Variants in ANKRD6 observed in about 807,000 individuals in gnomAD.
The protein encoded by ANKRD6 is ankyrin repeat domain-containing protein 6.
ANKRD6 carries 56 observed loss-of-function variants against 82.3 expected under a neutral mutation model. That is an observed-to-expected ratio of 0.68 (90% confidence interval 0.55 to 0.85). The LOEUF is 0.85. Ranked by LOEUF, ANKRD6 falls within the 40% of genes least tolerant of loss-of-function variation. The probability of loss-of-function intolerance (pLI) is 0.00; values close to 1 mark genes in which losing one functional copy is unlikely to be tolerated. For synonymous variants in ANKRD6, 347 were observed against 352.1 expected (o/e 0.99, Z 0.16); for missense variants, 852 against 907.6 (o/e 0.94, Z 0.79).
intron 1 of ANKRD6, among the ~76,000 whole-genome samples, chr6:89,485,721 T>A (rs963890696): frequency 1.3e-5 from 2 of 152,180 alleles, no homozygotes; most frequent in African/African-American, 4.8e-5. Context: ...GGAAAAAAGA[T>A]TCCTGGGGTG....
intron 4 of ANKRD6, among the ~76,000 whole-genome samples, 174 bp from the exon 5 acceptor site, chr6:89,605,833 A>T (rs894207729): frequency 6.6e-5 from 10 of 152,196 alleles, no homozygotes; most frequent in African/African-American, 2.4e-4. Flanking sequence ...CATTTCTGGG[A>T]TAATGGAGAA....
At position 89,616,542 on chromosome 6, in the gene ANKRD6, C is replaced by A; in HGVS notation, c.616-17C>A. The A allele has an allele frequency of 6.2e-7, 1 of 1,613,492 alleles. No individual in the cohort carries two copies. The highest frequency in any genetic ancestry group is 8.5e-7 in the Non-Finnish European group (1 of 1,179,436). On this transcript the variant is annotated splice_polypyrimidine_tract_variant and intron_variant, in intron 7 of 15. Coordinates refer to ENST00000339746, the MANE Select transcript of ANKRD6 (RefSeq NM_001242809.2). ...CATGAGCAGATGAGGTTTAGCAGAC[C>A]TTCTAATCAATTCCAGGCTGGAGAC...
At position 89,631,604 on chromosome 6, in the gene ANKRD6, A is replaced by C. The variant is rs529857713; in HGVS notation, c.*600A>C. The C allele has an allele frequency of 1.3e-5, 2 of 152,352 alleles. No individual in the cohort carries two copies. The highest frequency in any genetic ancestry group is 3.9e-4 in the East Asian group (2 of 5,182). The allele number at this position is 152,352 out of a possible 1,614,324, so 9.4% of individuals were successfully genotyped here. On this transcript the variant is annotated 3_prime_UTR_variant, in exon 16 of 16. Transcript: ENST00000339746. ...CAAGATCCAATATATCTTATGATAA[A>C]ATTTATTGAAAAGTCAGTTTATTTA...
intron 1 of ANKRD6, among the ~76,000 whole-genome samples, chr6:89,456,693 C>T (rs927734465): frequency 7.9e-5 from 12 of 152,152 alleles, no homozygotes; most frequent in African/African-American, 2.9e-4. Context: ...ACTTGTCTAT[C>T]AAAATAGCTA....
intron 1 of ANKRD6, among the ~76,000 whole-genome samples, chr6:89,544,521 T>G (rs538351152): frequency 6.6e-6 from 1 of 152,194 alleles, no homozygotes; most frequent in Admixed American, 6.5e-5. Context: ...GAGACCATCC[T>G]GGCTAGCACG....
rs1246919007 is a variant in ANKRD6 at position 89,631,115 on chromosome 6, T to TA, written c.*118dup. The TA allele has an allele frequency of 1.2e-5, 17 of 1,406,484 alleles. No homozygotes were observed. Among genetic ancestry groups the TA allele is most frequent in the East Asian group, 2.5e-5 (1 of 39,374 alleles). The allele number at this position is 1,406,484 out of a possible 1,614,324, so 87.1% of individuals were successfully genotyped here. On this transcript the variant is annotated 3_prime_UTR_variant, in exon 16 of 16. Coordinates refer to ENST00000339746, the MANE Select transcript of ANKRD6 (RefSeq NM_001242809.2). ...TGTATATATTGCAGATTTGCCTTTT[T>TA]AAAAAAATCACTAATTCTACAATGT...
At chr6:89,610,231 C>T (rs965792750) in intron 5 of ANKRD6, among the ~76,000 whole-genome samples, 3 of 152,156 alleles carry the variant, frequency 2.0e-5, no homozygotes, top group African/African-American at 7.2e-5. Context: ...GTTTCCATTG[C>T]CCCTTAATGT....
At chr6:89,588,127 G>C (rs925038180) in intron 2 of ANKRD6, among the ~76,000 whole-genome samples, 1 of 151,824 alleles carries the variant, frequency 6.6e-6, no homozygotes, top group Non-Finnish European at 1.5e-5. Flanking sequence ...AAAGTTGGTG[G>C]AGTCTTCCAC....
At chr6:89,626,485 G>C (rs978115330) in intron 13 of ANKRD6, among the ~76,000 whole-genome samples, 35 of 152,338 alleles carry the variant, frequency 2.3e-4, no homozygotes, top group African/African-American at 7.9e-4. Flanking sequence ...GGAGTGGGGA[G>C]AGTAGGCCAA....
chr6:89,541,925 G>A (rs1784491343), intron 1 of ANKRD6, among the ~76,000 whole-genome samples: 1 of 151,664 alleles, frequency 6.6e-6, no homozygotes, highest in African/African-American at 2.4e-5. Flanking sequence ...ATAATTGTCT[G>A]TATTTGCACC....
At chr6:89,556,759 G>GT (rs1222766451) in intron 1 of ANKRD6, among the ~76,000 whole-genome samples, 2 of 152,196 alleles carry the variant, frequency 1.3e-5, no homozygotes, top group Non-Finnish European at 2.9e-5. Flanking sequence ...CACTTTCTAT[G>GT]TGGCGGGCAT....
intron 2 of ANKRD6, among the ~76,000 whole-genome samples, chr6:89,592,256 T>C (rs1302931457): frequency 6.6e-6 from 1 of 152,020 alleles, no homozygotes; most frequent in African/African-American, 2.4e-5. Context: ...GTGTAGGGTG[T>C]CGAAGAGCAG....
chr6:89,565,703 C>G (rs796402100), intron 1 of ANKRD6, among the ~76,000 whole-genome samples: 8 of 152,304 alleles, frequency 5.3e-5, no homozygotes, highest in African/African-American at 1.9e-4. Context: ...TGCCTGGGAA[C>G]AAATGTAAAG....
chr6:89,595,794 A>T, intron 2 of ANKRD6, 122 bp from the exon 3 acceptor site: 1 of 703,392 alleles, frequency 1.4e-6, no homozygotes, highest in African/African-American at 1.8e-5. Flanking sequence ...TGCCAATCCA[A>T]AGGGGCAGGA....
intron 1 of ANKRD6, among the ~76,000 whole-genome samples, chr6:89,448,826 C>T (rs931049504): frequency 2.6e-5 from 4 of 151,914 alleles, no homozygotes; most frequent in African/African-American, 7.3e-5. Flanking sequence ...GTCAGGAGAT[C>T]GAGACCATCT....
intron 1 of ANKRD6, among the ~76,000 whole-genome samples, chr6:89,546,350 C>CAT (rs765054692): frequency 2.0e-5 from 3 of 152,100 alleles, no homozygotes; most frequent in Non-Finnish European, 4.4e-5. Context: ...CAGAATCTTT[C>CAT]ATATATATGT....
At chr6:89,545,212 CAAAAAAAAAAAAA>C (rs754348482) in intron 1 of ANKRD6, among the ~76,000 whole-genome samples, 1 of 86,370 alleles carries the variant, frequency 1.2e-5, no homozygotes, top group African/African-American at 4.7e-5. Context: ...GACTCCATCT[CAAAAAAAAAAAAA>C]AAAAAGAAAA....
intron 1 of ANKRD6, among the ~76,000 whole-genome samples, chr6:89,458,206 T>G (rs1350925008): frequency 6.6e-6 from 1 of 152,236 alleles, no homozygotes; most frequent in Non-Finnish European, 1.5e-5. Context: ...CGAATCATTT[T>G]TAATGGTGAA....
chr6:89,594,219 G>A (rs538100918), intron 2 of ANKRD6, among the ~76,000 whole-genome samples: 197 of 152,236 alleles, frequency 1.3e-3, no homozygotes, highest in African/African-American at 4.4e-3. Context: ...TTGGGAGGCC[G>A]AGGCAGGCGG....
Sources: gnomAD v4.1 joint callset for allele counts (sites outside exome capture counted in the v4.1 genomes callset) on GRCh38, gnomAD v4.1.1 for gene constraint, MANE v1.5 for transcripts, NCBI Gene and HGNC (gene_info 2026-07-23, HGNC 2026-07-21) for gene names.